SLCO5A1: variants seen among roughly 807,000 people sequenced by gnomAD.
The protein encoded by SLCO5A1 is organic anion transporter polypeptide-related protein 4.
Under a neutral mutation model 65.1 loss-of-function variants are expected in SLCO5A1, and 39 were observed. The observed-to-expected ratio is 0.60, with a 90% CI of 0.46 to 0.78. The LOEUF (loss-of-function observed/expected upper bound fraction) is 0.78. Among genes scored for constraint, SLCO5A1 ranks in the 30% least tolerant of loss-of-function variants. SLCO5A1 has a pLI of 0.00. For synonymous variants in SLCO5A1, 438 were observed against 415.7 expected, an observed-to-expected ratio of 1.05 and a Z score of -0.65; for missense variants, 1,029 against 1,069.4, an observed-to-expected ratio of 0.96 and a Z score of 0.53.
intron 5 of SLCO5A1, among the ~76,000 whole-genome samples, chr8:69,729,446 C>CAAAAAAAAAAA (rs56392223): frequency 3.7e-5 from 3 of 80,524 alleles, no homozygotes; most frequent in Non-Finnish European, 6.5e-5. Flanking sequence ...TCCGTCCCAA[C>CAAAAAAAAAAA]AAAAAAAAAA....
chr8:69,755,362 C>G, intron 4 of SLCO5A1, 62 bp downstream of exon 4: 3 of 1,408,042 alleles, frequency 2.1e-6, no homozygotes, highest in Non-Finnish European at 3.0e-6. Context: ...GGCCTGGGAC[C>G]ACACTATGAG....
At chr8:69,822,318 AG>A (rs911265241) in intron 2 of SLCO5A1, among the ~76,000 whole-genome samples, 36 of 152,176 alleles carry the variant, frequency 2.4e-4, no homozygotes, top group Admixed American at 2.2e-3. Context: ...GTCTTATACT[AG>A]GTGCAAATAT....
chr8:69,825,693 G>A (rs1820854954), intron 2 of SLCO5A1, among the ~76,000 whole-genome samples: 1 of 152,092 alleles, frequency 6.6e-6, no homozygotes, highest in Admixed American at 6.6e-5. Flanking sequence ...TCGTGAAAAT[G>A]GCCATACTGC....
chr8:69,829,961 T>C (rs1821088638), intron 2 of SLCO5A1, among the ~76,000 whole-genome samples: 1 of 152,216 alleles, frequency 6.6e-6, no homozygotes, highest in African/African-American at 2.4e-5. Flanking sequence ...ATTGGGTCTG[T>C]GTCGTGGGTA....
chr8:69,696,832 T>C (rs982300100), intron 6 of SLCO5A1, among the ~76,000 whole-genome samples: 2 of 152,040 alleles, frequency 1.3e-5, no homozygotes, highest in African/African-American at 4.8e-5. Context: ...GAGAAGACAT[T>C]ACTCCATAAA....
At chr8:69,733,603 G>A (rs1226122797) in intron 5 of SLCO5A1, among the ~76,000 whole-genome samples, 2 of 152,194 alleles carry the variant, frequency 1.3e-5, no homozygotes, top group Non-Finnish European at 2.9e-5. Flanking sequence ...CAAGGGAGGT[G>A]CCAGGTGGGA....
At chr8:69,677,831 A>G (rs910620760) in intron 8 of SLCO5A1, among the ~76,000 whole-genome samples, 1 of 152,192 alleles carries the variant, frequency 6.6e-6, no homozygotes, top group South Asian at 2.1e-4. Flanking sequence ...GGTGCCCAGC[A>G]TTGTGGCATC....
intron 2 of SLCO5A1, among the ~76,000 whole-genome samples, chr8:69,770,171 G>A (rs1027027603): frequency 5.9e-5 from 9 of 152,120 alleles, no homozygotes; most frequent in African/African-American, 2.2e-4. Flanking sequence ...GCCTCATCGG[G>A]TGGTTATCTT....
chr8:69,827,006 A>G (rs1275916369), intron 2 of SLCO5A1, among the ~76,000 whole-genome samples: 4 of 152,060 alleles, frequency 2.6e-5, no homozygotes. Context: ...AGGGACATGG[A>G]TGAAGCTGGA....
chr8:69,799,165 G>GT (rs1390857994), intron 2 of SLCO5A1, among the ~76,000 whole-genome samples: 1 of 152,168 alleles, frequency 6.6e-6, no homozygotes, highest in Admixed American at 6.5e-5. Context: ...TCAAGTCTGA[G>GT]TTTTGAAAAT....
chr8:69,755,666 G>A (rs1817512322), intron 3 of SLCO5A1, 25 bp from the exon 4 acceptor site: 2 of 1,573,240 alleles, frequency 1.3e-6, no homozygotes, highest in Admixed American at 3.6e-5. Flanking sequence ...AATGTGAATA[G>A]CATTTACGTC....
chr8:69,692,587 G>A (rs1397856959), intron 6 of SLCO5A1, among the ~76,000 whole-genome samples: 2 of 152,114 alleles, frequency 1.3e-5, no homozygotes, highest in African/African-American at 2.4e-5. Context: ...TTGAACTGTG[G>A]TGCAAAAGTA....
At chr8:69,684,971 G>A (rs974904502) in intron 6 of SLCO5A1, among the ~76,000 whole-genome samples, 1 of 152,192 alleles carries the variant, frequency 6.6e-6, no homozygotes, top group South Asian at 2.1e-4. Flanking sequence ...GAGGCAAAAA[G>A]CTTTCCTGAG....
At chr8:69,696,256 T>A (rs769416588) in intron 6 of SLCO5A1, among the ~76,000 whole-genome samples, 16 of 151,670 alleles carry the variant, frequency 1.1e-4, no homozygotes, top group Non-Finnish European at 2.1e-4. Context: ...AAAAGCAGAG[T>A]AGGGTTAAAA....
At chr8:69,682,154 A>T in intron 7 of SLCO5A1, 30 bp downstream of exon 7, 16 of 1,590,380 alleles carry the variant, frequency 1.0e-5, no homozygotes, top group Non-Finnish European at 1.4e-5. Flanking sequence ...TGTTGGACTA[A>T]CAGAAGAGGA....
At chr8:69,751,956 C>T (rs987365979) in intron 4 of SLCO5A1, among the ~76,000 whole-genome samples, 4 of 152,140 alleles carry the variant, frequency 2.6e-5, no homozygotes, top group South Asian at 2.1e-4. Flanking sequence ...AAAAGCCAAG[C>T]GTGGTGGCTC....
chr8:69,798,429 A>G (rs1819592344), intron 2 of SLCO5A1, among the ~76,000 whole-genome samples: 1 of 152,202 alleles, frequency 6.6e-6, no homozygotes, highest in South Asian at 2.1e-4. Flanking sequence ...ATGAGGCCTC[A>G]GGAAAGTTAC....
chr8:69,776,639 G>A (rs1042621690), intron 2 of SLCO5A1, among the ~76,000 whole-genome samples: 10 of 151,926 alleles, frequency 6.6e-5, no homozygotes, highest in African/African-American at 1.9e-4. Flanking sequence ...GCAGTGAGCC[G>A]TGATCATGCC....
chr8:69,785,036 G>C (rs962200943), intron 2 of SLCO5A1, among the ~76,000 whole-genome samples: 1 of 149,920 alleles, frequency 6.7e-6, no homozygotes, highest in Non-Finnish European at 1.5e-5. Flanking sequence ...GAAGGAAGGG[G>C]AAAGAGAGAG....
Sources: allele counts gnomAD v4.1 joint callset (sites outside exome capture counted in the v4.1 genomes callset), GRCh38; gene constraint gnomAD v4.1.1; transcripts MANE v1.5; gene names NCBI Gene and HGNC (gene_info 2026-07-23, HGNC 2026-07-21).